Variants in ADK observed in about 807,000 individuals in gnomAD.
ADK encodes the protein adenosine kinase.
A neutral mutation model predicts 44.7 loss-of-function variants in ADK; 24 were observed. That is an observed-to-expected ratio of 0.54 (90% CI 0.39 to 0.76). The LOEUF is 0.76. ADK is among the 30% of genes least tolerant of loss of function. The pLI, the probability that ADK is intolerant of heterozygous loss-of-function variation, is 0.00. For synonymous variants in ADK, 128 were observed against 142.6 expected (o/e 0.90, Z 0.73); for missense variants, 321 against 425.1 (o/e 0.76, Z 2.15).
chr10:74,170,296 A>C (rs550228454), intron 1 of ADK, among the ~76,000 whole-genome samples: 1 of 152,218 alleles, frequency 6.6e-6, no homozygotes, highest in Admixed American at 6.5e-5. Context: ...TCATGAGGAC[A>C]CCTTATTTTT....
chr10:74,177,438 C>CA (rs1842383844), intron 1 of ADK, among the ~76,000 whole-genome samples: 1 of 152,124 alleles, frequency 6.6e-6, no homozygotes, highest in African/African-American at 2.4e-5. Flanking sequence ...CCTTTTATCT[C>CA]AGAGTCACAA....
At chr10:74,216,173 A>T (rs1332201892) in intron 2 of ADK, among the ~76,000 whole-genome samples, 1 of 152,174 alleles carries the variant, frequency 6.6e-6, no homozygotes, top group Non-Finnish European at 1.5e-5. Flanking sequence ...ACATGCATAC[A>T]TTATGAAGGT....
At chr10:74,686,066 A>G (rs1468755935) in intron 10 of ADK, among the ~76,000 whole-genome samples, 2 of 151,990 alleles carry the variant, frequency 1.3e-5, no homozygotes, top group African/African-American at 4.8e-5. Context: ...GGTTCACGCT[A>G]TTCTCCTTCC....
intron 2 of ADK, among the ~76,000 whole-genome samples, chr10:74,217,467 G>C (rs912622652): frequency 1.3e-5 from 2 of 152,224 alleles, no homozygotes; most frequent in Non-Finnish European, 2.9e-5. Flanking sequence ...AAAGACAGCA[G>C]TAACCTCTGC....
At chr10:74,548,548 GAC>G (rs1173693412) in intron 7 of ADK, among the ~76,000 whole-genome samples, 2 of 152,152 alleles carry the variant, frequency 1.3e-5, no homozygotes, top group African/African-American at 4.8e-5. Flanking sequence ...ACTTAAATAT[GAC>G]TGAGCATCAT....
Position 74,176,743 on chromosome 10 carries a change from G to A in ADK, c.66-24021G>A, listed in dbSNP as rs1031895784. On this transcript the variant is annotated intron_variant, in intron 1 of 10. Coordinates refer to ENST00000539909, the MANE Select transcript of ADK (RefSeq NM_006721.4). Reference sequence around the variant, plus strand: ...TAGCCAGGGGCCGCCCGCGCGCGGGGTGTGTGAGGACGCGCTCCCAGTCGC... The same window carrying A: ...TAGCCAGGGGCCGCCCGCGCGCGGGATGTGTGAGGACGCGCTCCCAGTCGC... 5.2e-6 allele frequency: 8 copies of A among 1,531,642 alleles called. No individual in the cohort carries two copies. In the South Asian group the frequency reaches 6.0e-5, roughly 11 times the overall value. 94.9% of individuals were successfully genotyped at this position (1,531,642 alleles called of 1,614,324 possible).
chr10:74,238,996 G>A (rs1483181554), intron 3 of ADK, among the ~76,000 whole-genome samples: 1 of 151,628 alleles, frequency 6.6e-6, no homozygotes, highest in Non-Finnish European at 1.5e-5. Context: ...GAGTAGCTGG[G>A]ATTACAGGGG....
At chr10:74,287,530 G>A (rs1847221168) in intron 3 of ADK, among the ~76,000 whole-genome samples, 1 of 151,848 alleles carries the variant, frequency 6.6e-6, no homozygotes, top group African/African-American at 2.4e-5. Context: ...TACGTTAATG[G>A]ACTGGCCAGA....
chr10:74,330,705 A>G (rs1329805241), intron 4 of ADK, among the ~76,000 whole-genome samples: 1 of 152,172 alleles, frequency 6.6e-6, no homozygotes, highest in Admixed American at 6.6e-5. Context: ...ATGGGCAGGA[A>G]CATAAGCCTT....
intron 10 of ADK, among the ~76,000 whole-genome samples, chr10:74,696,481 TCAGCCTCCCGAGTAGCTGGGACTA>T (rs1436608995): frequency 7.9e-5 from 12 of 151,858 alleles, no homozygotes; most frequent in Admixed American, 7.9e-4. Flanking sequence ...TTCTCCTGCC[TCAGCCTCCCGAGTAGCTGGGACTA>T]CAGGCACCCG....
chr10:74,450,704 A>G (rs144330828), intron 6 of ADK, among the ~76,000 whole-genome samples: 7 of 152,276 alleles, frequency 4.6e-5, no homozygotes, highest in African/African-American at 1.4e-4. Flanking sequence ...TCTCTGCTTT[A>G]TCTTCCAGTG....
At chr10:74,245,228 C>T (rs1421411759) in intron 3 of ADK, among the ~76,000 whole-genome samples, 1 of 152,018 alleles carries the variant, frequency 6.6e-6, no homozygotes, top group Non-Finnish European at 1.5e-5. Flanking sequence ...TCTCTATAGG[C>T]CAGTAAATAT....
intron 3 of ADK, among the ~76,000 whole-genome samples, chr10:74,276,445 T>C (rs1301330136): frequency 1.3e-5 from 2 of 152,216 alleles, no homozygotes; most frequent in Non-Finnish European, 2.9e-5. Context: ...GAAGGGTGTA[T>C]TAATTTTCTG....
chr10:74,219,417 A>G (rs1424443758), intron 2 of ADK, among the ~76,000 whole-genome samples: 1 of 152,178 alleles, frequency 6.6e-6, no homozygotes, highest in African/African-American at 2.4e-5. Context: ...CACATTAATA[A>G]TGGGAGACTT....
At chr10:74,283,700 T>TG (rs1847041917) in intron 3 of ADK, among the ~76,000 whole-genome samples, 3 of 148,082 alleles carry the variant, frequency 2.0e-5, no homozygotes, top group African/African-American at 7.5e-5. Context: ...TTTTTTTTTT[T>TG]GAGACAGAGT....
At chr10:74,172,168 T>A (rs942818218) in intron 1 of ADK, among the ~76,000 whole-genome samples, 3 of 151,336 alleles carry the variant, frequency 2.0e-5, no homozygotes, top group Non-Finnish European at 4.4e-5. Flanking sequence ...AGACAGGGTC[T>A]TGTTCTATCT....
At chr10:74,596,170 G>A (rs1345729615) in intron 8 of ADK, among the ~76,000 whole-genome samples, 1 of 151,976 alleles carries the variant, frequency 6.6e-6, no homozygotes, top group Non-Finnish European at 1.5e-5. Flanking sequence ...ACAACAAAAA[G>A]CACATTGCTA....
At chr10:74,281,243 A>G (rs1846920939) in intron 3 of ADK, among the ~76,000 whole-genome samples, 1 of 152,256 alleles carries the variant, frequency 6.6e-6, no homozygotes, top group Non-Finnish European at 1.5e-5. Context: ...CACTTAACAG[A>G]TACCCATGTG....
chr10:74,264,898 G>C (rs902075846), intron 3 of ADK, among the ~76,000 whole-genome samples: 3 of 152,228 alleles, frequency 2.0e-5, no homozygotes, highest in Non-Finnish European at 4.4e-5. Context: ...CAATTTCTGG[G>C]TTCTAATTCT....
Sources: gnomAD v4.1 joint callset for allele counts (sites outside exome capture counted in the v4.1 genomes callset) on GRCh38, gnomAD v4.1.1 for gene constraint, MANE v1.5 for transcripts, NCBI Gene and HGNC (gene_info 2026-07-23, HGNC 2026-07-21) for gene names.